The following VWC2 variants were observed in gnomAD, a reference collection of about 807,000 sequenced individuals.
The protein encoded by VWC2 is brorin.
A neutral mutation model predicts 29.8 loss-of-function variants in VWC2; 14 were observed. The observed-to-expected ratio is 0.47, with a 90% CI of 0.31 to 0.74. The LOEUF (loss-of-function observed/expected upper bound fraction) is 0.74, where lower values mean the gene tolerates loss of function less well. VWC2 is among the 30% of genes least tolerant of loss of function. The pLI is 0.05. For missense variants in VWC2, 457 were observed against 459.8 expected (o/e 0.99, Z 0.05); for synonymous variants, 213 against 199.0 (o/e 1.07, Z -0.59).
At chr7:49,810,386 C>T (rs1247447381) in intron 3 of VWC2, among the ~76,000 whole-genome samples, 1 of 151,890 alleles carries the variant, frequency 6.6e-6, no homozygotes, top group Admixed American at 6.6e-5. Context: ...TGAAAGAAAT[C>T]AAAGGACATA....
intron 1 of VWC2, among the ~76,000 whole-genome samples, chr7:49,775,033 C>T (rs1191233341): frequency 1.3e-5 from 2 of 152,208 alleles, no homozygotes; most frequent in Non-Finnish European, 2.9e-5. Context: ...CAGGGGGGCG[C>T]GGGCCTGGCT....
intron 3 of VWC2, among the ~76,000 whole-genome samples, chr7:49,820,017 TA>T (rs1337957445): frequency 6.6e-6 from 1 of 152,210 alleles, no homozygotes; most frequent in Non-Finnish European, 1.5e-5. Context: ...AATATATTTC[TA>T]AGATTTTAAT....
intron 3 of VWC2, among the ~76,000 whole-genome samples, chr7:49,853,810 A>G (rs62456370): frequency 0.67 from 100,843 of 151,338 alleles, 34,595 homozygotes; most frequent in East Asian, 0.88. Context: ...GGTGTGCTGC[A>G]CCCATTAACT....
chr7:49,838,308 A>AACACAT (rs1164817422), intron 3 of VWC2, among the ~76,000 whole-genome samples: 1 of 152,242 alleles, frequency 6.6e-6, no homozygotes, highest in Non-Finnish European at 1.5e-5. Context: ...TATTCTGTTA[A>AACACAT]ACACATAATG....
At chr7:49,857,394 G>A (rs193185594) in intron 3 of VWC2, among the ~76,000 whole-genome samples, 117 of 152,294 alleles carry the variant, frequency 7.7e-4, no homozygotes, top group Non-Finnish European at 1.5e-3. Flanking sequence ...ATATTCCAAT[G>A]TAGGCATATA....
intron 3 of VWC2, among the ~76,000 whole-genome samples, chr7:49,837,561 G>A (rs1789692723): frequency 6.6e-6 from 1 of 152,198 alleles, no homozygotes; most frequent in African/African-American, 2.4e-5. Flanking sequence ...ATGGACTCAG[G>A]ACGTCTGATC....
intron 3 of VWC2, among the ~76,000 whole-genome samples, chr7:49,829,087 A>G (rs1178611035): frequency 6.6e-6 from 1 of 152,038 alleles, no homozygotes; most frequent in Non-Finnish European, 1.5e-5. Flanking sequence ...TCCCTCTTCT[A>G]TTGGGACCTA....
At chr7:49,815,021 T>C (rs981355437) in intron 3 of VWC2, among the ~76,000 whole-genome samples, 4 of 152,332 alleles carry the variant, frequency 2.6e-5, no homozygotes, top group Non-Finnish European at 4.4e-5. Context: ...CCATGTTTTG[T>C]TGGACCCTTT....
intron 3 of VWC2, among the ~76,000 whole-genome samples, chr7:49,851,081 G>A (rs1035332745): frequency 2.0e-5 from 3 of 152,146 alleles, no homozygotes; most frequent in South Asian, 2.1e-4. Context: ...AGGTTCCGAC[G>A]GCTGCTCCCT....
At chr7:49,881,308 T>A (rs1377967694) in intron 3 of VWC2, among the ~76,000 whole-genome samples, 2 of 152,120 alleles carry the variant, frequency 1.3e-5, no homozygotes, top group African/African-American at 4.8e-5. Context: ...TGCTGGCCTA[T>A]AAGAGACTCC....
chr7:49,891,341 A>C (rs1010180977), intron 3 of VWC2, among the ~76,000 whole-genome samples: 3 of 152,236 alleles, frequency 2.0e-5, no homozygotes, highest in African/African-American at 4.8e-5. Context: ...AGTAAAGCAA[A>C]ATTGGAAAGA....
chr7:49,888,883 C>T (rs1792012539), intron 3 of VWC2, among the ~76,000 whole-genome samples: 1 of 151,964 alleles, frequency 6.6e-6, no homozygotes, highest in Non-Finnish European at 1.5e-5. Flanking sequence ...CACAGTCTAG[C>T]CTGGGGGACA....
intron 3 of VWC2, among the ~76,000 whole-genome samples, chr7:49,822,889 C>T (rs918144697): frequency 2.0e-4 from 31 of 152,160 alleles, no homozygotes; most frequent in African/African-American, 7.5e-4. Flanking sequence ...ATAGACACAG[C>T]ACACTTCATT....
chr7:49,775,227 G>T, intron 1 of VWC2, 106 bp from the exon 2 acceptor site: 2 of 277,168 alleles, frequency 7.2e-6, no homozygotes, highest in South Asian at 1.7e-4. Context: ...CGCCCCCGTC[G>T]CCCAGCTCGT....
At chr7:49,888,817 A>C (rs1792009627) in intron 3 of VWC2, among the ~76,000 whole-genome samples, 1 of 152,182 alleles carries the variant, frequency 6.6e-6, no homozygotes, top group Admixed American at 6.5e-5. Flanking sequence ...GGGCCGAGGC[A>C]GGAGAATCGC....
chr7:49,838,192 A>AG (rs1789708886), intron 3 of VWC2, among the ~76,000 whole-genome samples: 1 of 152,236 alleles, frequency 6.6e-6, no homozygotes, highest in African/African-American at 2.4e-5. Context: ...AGGCAGAGGC[A>AG]GGGCTTATAA....
At chr7:49,786,017 T>G (rs1788286307) in intron 2 of VWC2, among the ~76,000 whole-genome samples, 1 of 152,210 alleles carries the variant, frequency 6.6e-6, no homozygotes, top group South Asian at 2.1e-4. Flanking sequence ...AGAAGACTTT[T>G]GCAAGGTATT....
chr7:49,774,951 C>A (rs563100545), intron 1 of VWC2, among the ~76,000 whole-genome samples: 1 of 151,890 alleles, frequency 6.6e-6, no homozygotes, highest in East Asian at 1.9e-4. Context: ...TAATAACCTT[C>A]GGGAAATGTG....
At position 49,913,975 on chromosome 7, in the gene VWC2, G is replaced by T. The variant is rs1174295055; in HGVS notation, c.*1790G>T. On this transcript the variant is annotated 3_prime_UTR_variant, in exon 4 of 4. Transcript: ENST00000340652. ...GAGCCAAAGGAACTACCAGTACATA[G>T]ATTTCATGAAAATACTCAGGGGAAT... 1 of 152,142 alleles carries T rather than the reference G, an allele frequency of 6.6e-6. No individual in the cohort carries two copies. The allele number at this position is 152,142 out of a possible 1,614,324, so 9.4% of individuals were successfully genotyped here. A position where few individuals can be genotyped will look rare whatever the true frequency, so the allele number is the denominator to read the frequency against.
Sources: allele counts gnomAD v4.1 joint callset (sites outside exome capture counted in the v4.1 genomes callset), GRCh38; gene constraint gnomAD v4.1.1; transcripts MANE v1.5; gene names NCBI Gene and HGNC (gene_info 2026-07-23, HGNC 2026-07-21).